Variants in ATP5MC2 observed in about 807,000 individuals in gnomAD.
The protein encoded by ATP5MC2 is ATP synthase F(0) complex subunit C2, mitochondrial.
A neutral mutation model predicts 13.5 loss-of-function variants in ATP5MC2; 11 were observed. That is an observed-to-expected ratio of 0.81 (90% confidence interval 0.51 to 1.35). ATP5MC2 has a LOEUF of 1.35. Among genes scored for constraint, ATP5MC2 ranks in the 40% most tolerant of loss-of-function variants. The pLI is 0.00. For missense variants in ATP5MC2, 132 were observed against 175.0 expected (o/e 0.75, Z 1.39); for synonymous variants, 64 against 69.7 (o/e 0.92, Z 0.41).
chr12:53,670,000 G>A, intron 2 of ATP5MC2, 52 bp from the exon 3 acceptor site: 2 of 1,546,316 alleles, frequency 1.3e-6, no homozygotes, highest in African/African-American at 1.4e-5. Context: ...CTGGAGAGGA[G>A]TTTCAGAACT....
In ATP5MC2 at chr12:53,669,390, T is replaced by A. The variant is rs569005720; in HGVS notation, c.118-49A>T. On this transcript the variant is annotated intron_variant, in intron 3 of 4. Coordinates refer to ENST00000394349, the MANE Select transcript of ATP5MC2 (RefSeq NM_005176.7). ...GGTAAAGTTTTTTGCTTTGGTAACT[T>A]TTGTACCATTTAAAACCCTTTAAGC... The A allele has an allele frequency of 4.5e-6, 7 of 1,562,124 alleles. No individual in the cohort carries two copies. The South Asian group carries it at 6.0e-5, about 13-fold the overall frequency.
chr12:53,670,325 GTGCCAA>G, intron 2 of ATP5MC2: 1 of 351,630 alleles, frequency 2.8e-6, no homozygotes, highest in Non-Finnish European at 5.6e-6. Context: ...ATAGGGTTAT[GTGCCAA>G]TAAATCCATC....
intron 4 of ATP5MC2, among the ~76,000 whole-genome samples, chr12:53,667,995 A>ATATATATATATATATATATATAT (rs1944982452): frequency 1.2e-5 from 1 of 86,226 alleles, no homozygotes; most frequent in Non-Finnish European, 2.3e-5. Flanking sequence ...ATATATATAT[A>ATATATATATATATATATATATAT]AATTTTTTTT....
In ATP5MC2 at chr12:53,668,356, G is replaced by T. The variant is rs1274664906; in HGVS notation, c.311+792C>A. 2.0e-5 allele frequency among the ~76,000 whole-genome samples: 3 copies of T among 150,584 alleles called. No homozygotes were observed. In the East Asian group the frequency reaches 5.9e-4, roughly 30 times the overall value. On this transcript the variant is annotated intron_variant, in intron 4 of 4. Transcript: ENST00000394349. Reference sequence around the variant, plus strand: ...CTGTCACCTAGGCTGGAGTACAGTGGCATGATCTCGGCTCACAGCTCACTG... The same window carrying T: ...CTGTCACCTAGGCTGGAGTACAGTGTCATGATCTCGGCTCACAGCTCACTG...
At chr12:53,672,984 T>C in intron 1 of ATP5MC2, 1 of 236,872 alleles carries the variant, frequency 4.2e-6, no homozygotes, top group South Asian at 5.3e-5. Flanking sequence ...TAGTTTTTAT[T>C]CAAAAGGAAC....
chr12:53,679,105 G>A (rs1334194763), upstream of ATP5MC2, among the ~76,000 whole-genome samples: 2 of 152,176 alleles, frequency 1.3e-5, no homozygotes, highest in African/African-American at 4.8e-5. Context: ...AGGTCACCAA[G>A]GAAGGGTTTT....
At chr12:53,665,838 A>G (rs1490262885) in intron 4 of ATP5MC2, among the ~76,000 whole-genome samples, 1 of 152,224 alleles carries the variant, frequency 6.6e-6, no homozygotes, top group Non-Finnish European at 1.5e-5. Flanking sequence ...GCAATGGTAC[A>G]AAAGTAGTGG....
upstream of ATP5MC2, chr12:53,676,936 C>T (rs1204211592): frequency 6.6e-6 from 1 of 152,298 alleles, no homozygotes; most frequent in African/African-American, 2.4e-5. Flanking sequence ...CCTCATCTTT[C>T]CTAGGCCTCC....
At chr12:53,678,382 C>T (rs372527880), upstream of ATP5MC2, among the ~76,000 whole-genome samples, 1 of 147,072 alleles carries the variant, frequency 6.8e-6, no homozygotes, top group Non-Finnish European at 1.5e-5. Flanking sequence ...ACCATCATCA[C>T]CATCATCATC....
At chr12:53,672,429 C>T in intron 2 of ATP5MC2, 147 bp downstream of exon 2, 1 of 838,568 alleles carries the variant, frequency 1.2e-6, no homozygotes, top group Non-Finnish European at 1.9e-6. Context: ...GCCATGTTGG[C>T]CAGGCTGGTT....
At chr12:53,678,742 T>A (rs892202138), upstream of ATP5MC2, among the ~76,000 whole-genome samples, 1 of 152,296 alleles carries the variant, frequency 6.6e-6, no homozygotes, top group Middle Eastern at 3.4e-3. Context: ...TCTTCTTAAC[T>A]ATAGGCTTGG....
chr12:53,680,917 T>G (rs549873598), upstream of ATP5MC2, among the ~76,000 whole-genome samples: 24 of 152,078 alleles, frequency 1.6e-4, no homozygotes, highest in African/African-American at 3.6e-4. Flanking sequence ...TAATTATTTT[T>G]GTGGGGGAGG....
At chr12:53,666,450 G>A (rs11170638) in intron 4 of ATP5MC2, among the ~76,000 whole-genome samples, 26,472 of 151,880 alleles carry the variant, frequency 0.17, 2,958 homozygotes, top group East Asian at 0.56. Context: ...GTTGGCAGGC[G>A]CTTGTAGTCC....
chr12:53,676,357 C>T (rs1945278603), upstream of ATP5MC2: 2 of 994,820 alleles, frequency 2.0e-6, no homozygotes, highest in Admixed American at 3.1e-5. Flanking sequence ...CGTTTGGGAT[C>T]TCGGACTTGC....
At chr12:53,667,952 C>CATATATATATATATATATAT (rs71068162) in intron 4 of ATP5MC2, among the ~76,000 whole-genome samples, 1 of 110,748 alleles carries the variant, frequency 9.0e-6, no homozygotes. Flanking sequence ...CATACATACA[C>CATATATATATATATATATAT]ACACATATAT....
intron 2 of ATP5MC2, among the ~76,000 whole-genome samples, chr12:53,671,865 C>G (rs11170642): frequency 6.8e-4 from 103 of 152,048 alleles, no homozygotes; most frequent in African/African-American, 2.4e-3. Flanking sequence ...AACCCTGTCT[C>G]TACTCGGATC....
chr12:53,679,008 G>A (rs1945324707), upstream of ATP5MC2, among the ~76,000 whole-genome samples: 1 of 152,158 alleles, frequency 6.6e-6, no homozygotes, highest in South Asian at 2.1e-4. Flanking sequence ...CCTCAGGGGG[G>A]CCACAGACTC....
At position 53,666,259 on chromosome 12, in the gene ATP5MC2, C is replaced by T. The variant is rs564929025; in HGVS notation, c.312-831G>A. Among the ~76,000 whole-genome samples the T allele has an allele frequency of 1.5e-4, 23 of 151,892 alleles. No individual in the cohort carries two copies. In the East Asian group the frequency reaches 4.1e-3, roughly 27 times the overall value. On this transcript the variant is annotated intron_variant, in intron 4 of 4. Transcript: ENST00000394349. The stretch of plus-strand genomic sequence containing the variant: ...AGGAGTTCGAGACCAGCCTGGCCAA[C>T]CTGGTGAAACCCTGTCTCTACCAAA...
intron 1 of ATP5MC2, among the ~76,000 whole-genome samples, chr12:53,675,838 C>G (rs529794592): frequency 1.1e-4 from 16 of 152,238 alleles, no homozygotes; most frequent in South Asian, 2.1e-4. Context: ...GTATCCTCCC[C>G]CTGCGAGACA....
Sources: allele counts gnomAD v4.1 joint callset (sites outside exome capture counted in the v4.1 genomes callset), GRCh38; gene constraint gnomAD v4.1.1; transcripts MANE v1.5; gene names NCBI Gene and HGNC (gene_info 2026-07-23, HGNC 2026-07-21).